The following TBX10 variants were observed in gnomAD, a reference collection of about 807,000 sequenced individuals.
TBX10 encodes T-box transcription factor 10.
Under a neutral mutation model 32.4 loss-of-function variants are expected in TBX10, and 26 were observed. The ratio of observed to expected loss-of-function variants is 0.80; its 90% CI spans 0.59 to 1.11. The LOEUF (loss-of-function observed/expected upper bound fraction) is 1.11. Among genes scored for constraint, TBX10 ranks in the 50% most tolerant of loss-of-function variants. The pLI is 0.00. For synonymous variants in TBX10, 195 were observed against 203.1 expected (o/e 0.96, Z 0.34); for missense variants, 490 against 494.5 (o/e 0.99, Z 0.09).
At position 67,635,103 on chromosome 11, in the gene TBX10, G is replaced by T. The variant is rs142687203; in HGVS notation, c.168C>A (p.Gly56=). 3.7e-6 allele frequency: 6 copies of T among 1,613,740 alleles called. No individual in the cohort carries two copies. Among genetic ancestry groups the T allele is most frequent in the East Asian group, 2.2e-5 (1 of 44,900 alleles). ...AQAVAEPTGQ[G]PKNPRVSRVT... ...CTCTGGACACACGTGGGTTCTTGGG[G>T]CCCTGCCCAGTGGGCTCGGCCACAG... Residue 56 remains glycine, a synonymous_variant, in exon 2 of 8, where the codon GGC becomes GGA. Transcript: ENST00000335385.
chr11:67,631,420 TG>T lies in TBX10; in HGVS notation c.*184del. ...TGCTGGGGTTGGGAGATAGAAGTCC[TG>T]GTTCCAAGCTTGCCATGGTCCCAGC... is the stretch of plus-strand genomic sequence containing the variant. On this transcript the variant is annotated 3_prime_UTR_variant, in exon 8 of 8. Transcript: ENST00000335385. The T allele has an allele frequency of 1.4e-6, 1 of 734,258 alleles. No individual in the cohort carries two copies. Among genetic ancestry groups the T allele is most frequent in the Non-Finnish European group, 2.2e-6 (1 of 457,582 alleles). The allele number at this position is 734,258 out of a possible 1,614,324, so 45.5% of individuals were successfully genotyped here.
intron 6 of TBX10, 27 bp downstream of exon 6, chr11:67,632,576 G>A (rs1035384820): frequency 1.2e-6 from 2 of 1,613,118 alleles, no homozygotes; most frequent in Admixed American, 1.7e-5. Flanking sequence ...GTGGGGGTGA[G>A]GGGCTAGGGT....
chr11:67,633,859 C>T (rs1002198261), intron 4 of TBX10, among the ~76,000 whole-genome samples: 2 of 152,234 alleles, frequency 1.3e-5, no homozygotes, highest in Admixed American at 6.5e-5. Flanking sequence ...GGGCAGGGAT[C>T]GTTGGCTGTT....
intron 3 of TBX10, 149 bp downstream of exon 3, chr11:67,634,667 G>T: frequency 1.1e-6 from 1 of 907,474 alleles, no homozygotes; most frequent in Non-Finnish European, 1.8e-6. Flanking sequence ...CCCTCAGGCT[G>T]TTGTTGCGTG....
chr11:67,639,823 T>A (rs1243892672), upstream of TBX10, among the ~76,000 whole-genome samples: 2 of 152,038 alleles, frequency 1.3e-5, no homozygotes, highest in African/African-American at 2.4e-5. Context: ...GAGCCCCCCT[T>A]CCTCCCTCCT....
chr11:67,637,986 T>A (rs1430342678), intron 1 of TBX10, among the ~76,000 whole-genome samples: 2 of 152,102 alleles, frequency 1.3e-5, no homozygotes, highest in Admixed American at 6.5e-5. Context: ...GGCGGGTAGG[T>A]CACTTGAGGT....
intron 1 of TBX10, 29 bp downstream of exon 1, chr11:67,639,437 G>A: frequency 7.6e-7 from 1 of 1,323,002 alleles, no homozygotes. Flanking sequence ...TGACCCATGA[G>A]GCCACCTCTG....
chr11:67,640,954 G>T (rs544865537), upstream of TBX10, among the ~76,000 whole-genome samples: 1 of 152,108 alleles, frequency 6.6e-6, no homozygotes, highest in Non-Finnish European at 1.5e-5. Context: ...GAGGAGGGCC[G>T]GCCCCTGGCC....
chr11:67,633,826 GC>G (rs893415826), intron 4 of TBX10, among the ~76,000 whole-genome samples: 14 of 152,192 alleles, frequency 9.2e-5, no homozygotes, highest in Non-Finnish European at 1.3e-4. Context: ...CCCTGCCTTT[GC>G]CCCAGGAAGT....
intron 4 of TBX10, among the ~76,000 whole-genome samples, chr11:67,633,742 G>A (rs763075390): frequency 2.0e-5 from 3 of 151,880 alleles, no homozygotes; most frequent in Admixed American, 6.5e-5. Context: ...CCCTTTCTCC[G>A]CCCCCCTTCC....
At chr11:67,640,871 C>G (rs1394180302), upstream of TBX10, among the ~76,000 whole-genome samples, 1 of 152,136 alleles carries the variant, frequency 6.6e-6, no homozygotes, top group African/African-American at 2.4e-5. Context: ...TCCCTTGTGT[C>G]TCACATCTCA....
chr11:67,641,503 C>A (rs190219920), upstream of TBX10, among the ~76,000 whole-genome samples: 394 of 152,350 alleles, frequency 2.6e-3, no homozygotes, highest in African/African-American at 8.8e-3. Flanking sequence ...GGCCCCCTGC[C>A]CCCTCATCCA....
At chr11:67,635,396 C>CA in intron 1 of TBX10, 133 bp from the exon 2 acceptor site, 1 of 1,247,254 alleles carries the variant, frequency 8.0e-7, no homozygotes, top group Non-Finnish European at 1.1e-6. Context: ...CAGGATCCCC[C>CA]ACTCAGCATC....
chr11:67,631,502 C>T lies in TBX10; in HGVS notation c.*103G>A, dbSNP rs1183486597. On this transcript the variant is annotated 3_prime_UTR_variant, in exon 8 of 8. Coordinates refer to ENST00000335385, the MANE Select transcript of TBX10 (RefSeq NM_005995.5). ...TCTCTAGACTTTCACCTACCCTGCT[C>T]TCCTTGAGACAGAGATGGGGCTGGA... 11 of 1,443,156 alleles carry T rather than the reference C, an allele frequency of 7.6e-6. No individual in the cohort carries two copies. The highest frequency in any genetic ancestry group is 1.0e-5 in the Non-Finnish European group (11 of 1,065,468). The allele number at this position is 1,443,156 out of a possible 1,614,324, so 89.4% of individuals were successfully genotyped here.
At chr11:67,632,235 C>T (rs1220614468) in intron 7 of TBX10, 83 bp downstream of exon 7, 2 of 1,508,480 alleles carry the variant, frequency 1.3e-6, no homozygotes, top group African/African-American at 2.7e-5. Flanking sequence ...CTGCTGAAGC[C>T]CCTTCCTGGA....
Position 67,639,673 on chromosome 11 carries a change from C to T in TBX10, c.-201G>A, listed in dbSNP as rs1210797589. 2.8e-6 allele frequency: 2 copies of T among 704,350 alleles called. No individual in the cohort carries two copies. The highest frequency in any genetic ancestry group is 4.9e-6 in the Non-Finnish European group (2 of 404,548). 43.6% of individuals were successfully genotyped at this position (704,350 alleles called of 1,614,324 possible). On this transcript the variant is annotated 5_prime_UTR_variant, in exon 1 of 8. Coordinates refer to ENST00000335385, the MANE Select transcript of TBX10 (RefSeq NM_005995.5). ...GTCCACGTCCTGAGGTCGTGGTCTT[C>T]CTACTCGAGCTGGACCCCTGGTCTC...
rs770532769 is a variant in TBX10 at position 67,631,703 on chromosome 11, G to A, written c.1060C>T (p.Arg354Trp). Reference protein sequence around the residue: ...RPAPYPLPNIRADRDQGGLPL... With the variant: ...RPAPYPLPNIWADRDQGGLPL... ...AGGCCTCCTTGATCCCTATCAGCCCGGATGTTGGGGAGGGGGTATGGTGCT... is the reference window on the plus strand; with the variant it reads ...AGGCCTCCTTGATCCCTATCAGCCCAGATGTTGGGGAGGGGGTATGGTGCT... The change falls in exon 8 of 8, where the codon CGG (arginine) becomes TGG (tryptophan). Residue 354 changes from arginine to tryptophan, a missense_variant. By Grantham distance (101) the Arg-to-Trp change is moderately radical. Transcript: ENST00000335385. The A allele has an allele frequency of 7.5e-6, 12 of 1,609,032 alleles. No individual in the cohort carries two copies. The highest frequency in any genetic ancestry group is 6.7e-5 in the South Asian group (6 of 89,940).
rs1855236276 is a variant in TBX10 at position 67,631,701 on chromosome 11, C to T, written c.1062G>A (p.Arg354=). The T allele has an allele frequency of 6.2e-7, 1 of 1,609,160 alleles. No homozygotes were observed. The highest frequency in any genetic ancestry group is 8.5e-7 in the Non-Finnish European group (1 of 1,178,480). The change falls in exon 8 of 8, where the codon CGG becomes CGA. Residue 354 remains arginine, a synonymous_variant. Coordinates refer to ENST00000335385, the MANE Select transcript of TBX10 (RefSeq NM_005995.5). The stretch of plus-strand genomic sequence containing the variant: ...GCAGGCCTCCTTGATCCCTATCAGC[C>T]CGGATGTTGGGGAGGGGGTATGGTG... ...RPAPYPLPNI[R]ADRDQGGLPL...
At chr11:67,638,031 AC>A (rs928294709) in intron 1 of TBX10, among the ~76,000 whole-genome samples, 2 of 152,182 alleles carry the variant, frequency 1.3e-5, no homozygotes, top group Admixed American at 6.5e-5. Flanking sequence ...ATCACGGCAA[AC>A]CCTATCTCTA....
Sources: gnomAD v4.1 joint callset for allele counts (sites outside exome capture counted in the v4.1 genomes callset) on GRCh38, gnomAD v4.1.1 for gene constraint, MANE v1.5 for transcripts, NCBI Gene and HGNC (gene_info 2026-07-23, HGNC 2026-07-21) for gene names.